The following PRPF18 variants were observed in gnomAD, a reference collection of about 807,000 sequenced individuals.
PRPF18 encodes pre-mRNA processing factor 18.
Under a neutral mutation model 46.5 loss-of-function variants are expected in PRPF18, and 38 were observed. The ratio of observed to expected loss-of-function variants is 0.82; its 90% CI spans 0.63 to 1.07. The LOEUF (loss-of-function observed/expected upper bound fraction) is 1.07, where lower values mean the gene tolerates loss of function less well. Among genes scored for constraint, PRPF18 ranks in the 50% least tolerant of loss-of-function variants. The pLI is 0.00. For synonymous variants in PRPF18, 152 were observed against 146.7 expected (o/e 1.04, Z -0.26); for missense variants, 263 against 410.0 (o/e 0.64, Z 3.10).
downstream of PRPF18, among the ~76,000 whole-genome samples, chr10:13,634,715 C>A (rs959285597): frequency 6.6e-6 from 1 of 152,174 alleles, no homozygotes; most frequent in Non-Finnish European, 1.5e-5. Flanking sequence ...TACACAGGCA[C>A]GTCTACCTGA....
At position 13,590,350 on chromosome 10, in the gene PRPF18, A is replaced by T. The variant is rs948609583; in HGVS notation, c.66+3198A>T. Among the ~76,000 whole-genome samples, 3 of 151,636 alleles carry T rather than the reference A, an allele frequency of 2.0e-5. No homozygotes were observed. In the East Asian group the frequency reaches 5.8e-4, roughly 29 times the overall value. On this transcript the variant is annotated intron_variant, in intron 1 of 9. Coordinates refer to ENST00000378572, the MANE Select transcript of PRPF18 (RefSeq NM_003675.4). ...GCCGGGCGCGGTGGCTCACGCCTGTAATCCCAGCACTTTGGGAGCCTGGGG... is the reference window on the plus strand; with the variant it reads ...GCCGGGCGCGGTGGCTCACGCCTGTTATCCCAGCACTTTGGGAGCCTGGGG...
chr10:13,611,486 C>T, intron 5 of PRPF18, 129 bp from the exon 6 acceptor site: 1 of 708,662 alleles, frequency 1.4e-6, no homozygotes, highest in Non-Finnish European at 2.3e-6. Flanking sequence ...CTAGAAATTC[C>T]ATCCGATTTT....
downstream of PRPF18, chr10:13,631,800 G>T (rs1418572978): frequency 6.6e-6 from 1 of 152,292 alleles, no homozygotes; most frequent in East Asian, 1.9e-4. Flanking sequence ...CGGGGATGTG[G>T]TGGAAGCTAG....
At chr10:13,621,102 A>G (rs1403420065) in intron 9 of PRPF18, among the ~76,000 whole-genome samples, 1 of 152,246 alleles carries the variant, frequency 6.6e-6, no homozygotes, top group Non-Finnish European at 1.5e-5. Context: ...ATTCCCAGAT[A>G]GCTCTTGAAA....
At chr10:13,633,489 G>A (rs960961333), downstream of PRPF18, among the ~76,000 whole-genome samples, 1 of 152,186 alleles carries the variant, frequency 6.6e-6, no homozygotes, top group South Asian at 2.1e-4. Flanking sequence ...GAAAACACCA[G>A]TGTTTCCAAA....
chr10:13,608,961 C>T (rs113253493), intron 4 of PRPF18, among the ~76,000 whole-genome samples: 10 of 152,316 alleles, frequency 6.6e-5, no homozygotes, highest in African/African-American at 2.2e-4. Context: ...ACTGAGAATT[C>T]GATGAGGTGA....
chr10:13,613,854 A>T lies in PRPF18; in HGVS notation c.693A>T (p.Arg231Ser), dbSNP rs747120212. 2.6e-5 allele frequency: 42 copies of T among 1,611,584 alleles called. No homozygotes were observed. The highest frequency in any genetic ancestry group is 3.4e-5 in the Non-Finnish European group (40 of 1,179,460). The part of the protein sequence containing the change: ...ATQKQTESYL[R>S]PLFRKLRKRN... The stretch of plus-strand genomic sequence containing the variant: ...AGAAACAGACCGAGTCCTACCTAAG[A>T]CCACTTTTTAGAAAGCTACGGAAAA... The change falls in exon 7 of 10, where the codon AGA (arginine) becomes AGT (serine). Residue 231 changes from arginine (R) to serine (S), a missense_variant. By Grantham distance (110) the Arg-to-Ser change is moderately radical. Transcript: ENST00000378572.
chr10:13,588,502 A>C (rs1054023286), intron 1 of PRPF18, among the ~76,000 whole-genome samples: 4 of 150,884 alleles, frequency 2.7e-5, no homozygotes, highest in Non-Finnish European at 4.4e-5. Context: ...GCTTGAGCCC[A>C]GGAGTTCAGG....
intron 5 of PRPF18, among the ~76,000 whole-genome samples, chr10:13,610,848 C>A (rs1431231568): frequency 1.3e-5 from 2 of 152,184 alleles, no homozygotes; most frequent in Non-Finnish European, 2.9e-5. Flanking sequence ...GTGTGAGGGT[C>A]CCCTGTCTTT....
At chr10:13,617,955 C>G (rs1331917231) in intron 9 of PRPF18, among the ~76,000 whole-genome samples, 1 of 152,100 alleles carries the variant, frequency 6.6e-6, no homozygotes, top group Non-Finnish European at 1.5e-5. Flanking sequence ...GTGGATAGGG[C>G]AAATCAGGCT....
At chr10:13,628,237 G>C (rs2080539167) in intron 9 of PRPF18, among the ~76,000 whole-genome samples, 1 of 152,104 alleles carries the variant, frequency 6.6e-6, no homozygotes, top group Admixed American at 6.5e-5. Flanking sequence ...TCATAATGTG[G>C]GCAATCCTTG....
chr10:13,614,640 CCCTTGCCCCAGTG>C (rs1410713103), intron 8 of PRPF18, among the ~76,000 whole-genome samples: 2 of 152,214 alleles, frequency 1.3e-5, no homozygotes, highest in African/African-American at 4.8e-5. Flanking sequence ...AGTCTCTCCT[CCCTTGCCCCAGTG>C]TCTATACTCC....
intron 8 of PRPF18, 152 bp downstream of exon 8, chr10:13,614,238 G>A: frequency 4.9e-6 from 3 of 612,792 alleles, no homozygotes; most frequent in Admixed American, 3.6e-5. Flanking sequence ...ATTTTCTATT[G>A]TATTTGCCAG....
intron 7 of PRPF18, 46 bp downstream of exon 7, chr10:13,613,927 C>G (rs2133762812): frequency 1.3e-6 from 2 of 1,583,412 alleles, no homozygotes; most frequent in Non-Finnish European, 1.7e-6. Flanking sequence ...TTTAAAAATA[C>G]AGTATAAATT....
intron 4 of PRPF18, 29 bp downstream of exon 4, chr10:13,605,773 T>C (rs770554024): frequency 6.3e-7 from 1 of 1,593,336 alleles, no homozygotes; most frequent in South Asian, 1.1e-5. Context: ...GCTAGAAAAA[T>C]ACCACTGTAC....
chr10:13,593,841 G>A (rs766886717), intron 1 of PRPF18, among the ~76,000 whole-genome samples: 6 of 152,312 alleles, frequency 3.9e-5, no homozygotes, highest in Admixed American at 1.3e-4. Flanking sequence ...GTCATCTGCT[G>A]AAAATGAGGG....
the PRPF18 span, chr10:13,636,933 T>C: frequency 2.0e-5 from 3 of 152,240 alleles, no homozygotes; most frequent in African/African-American, 7.2e-5. Flanking sequence ...CGTTTGCCTG[T>C]GTTTAACAAT....
chr10:13,649,917 A>C, the PRPF18 span, among the ~76,000 whole-genome samples: 1 of 152,246 alleles, frequency 6.6e-6, no homozygotes, highest in Non-Finnish European at 1.5e-5. Flanking sequence ...GAGCTGGGGC[A>C]GGATGAAGAT....
At chr10:13,631,901 T>G (rs2080593116), downstream of PRPF18, 1 of 152,394 alleles carries the variant, frequency 6.6e-6, no homozygotes, top group Non-Finnish European at 1.5e-5. Context: ...AAAGCCAGTT[T>G]TGGCCACTTG....
Sources: allele counts gnomAD v4.1 joint callset (sites outside exome capture counted in the v4.1 genomes callset), GRCh38; gene constraint gnomAD v4.1.1; transcripts MANE v1.5; gene names NCBI Gene and HGNC (gene_info 2026-07-23, HGNC 2026-07-21).